STXBP5L: variants seen among roughly 807,000 people sequenced by gnomAD.
STXBP5L encodes syntaxin-binding protein 5-like.
A neutral mutation model predicts 144.5 loss-of-function variants in STXBP5L; 65 were observed. The ratio of observed to expected loss-of-function variants is 0.45; its 90% CI spans 0.37 to 0.55. STXBP5L has a LOEUF of 0.55. Ranked by LOEUF, STXBP5L falls within the 20% of genes least tolerant of loss-of-function variation. STXBP5L has a pLI of 0.00. For synonymous variants in STXBP5L, 505 were observed against 469.6 expected (o/e 1.08, Z -0.97); for missense variants, 1,298 against 1,405.5 (o/e 0.92, Z 1.22).
intron 3 of STXBP5L, among the ~76,000 whole-genome samples, chr3:121,016,133 C>T (rs1945132213): frequency 6.6e-6 from 1 of 152,146 alleles, no homozygotes; most frequent in African/African-American, 2.4e-5. Context: ...AACGTAAATA[C>T]TCTAAAGGTC....
chr3:121,052,364 G>T (rs943162657), intron 5 of STXBP5L, among the ~76,000 whole-genome samples: 1 of 152,124 alleles, frequency 6.6e-6, no homozygotes, highest in Admixed American at 6.5e-5. Flanking sequence ...CTGGCAAACA[G>T]AATCCAGCAG....
intron 25 of STXBP5L, among the ~76,000 whole-genome samples, 192 bp from the exon 26 acceptor site, chr3:121,418,145 T>C (rs1187750601): frequency 6.6e-6 from 1 of 152,214 alleles, no homozygotes; most frequent in Non-Finnish European, 1.5e-5. Flanking sequence ...ACAATATATC[T>C]CACAGTCTCT....
intron 20 of STXBP5L, among the ~76,000 whole-genome samples, chr3:121,346,421 T>G (rs1346279253): frequency 6.6e-6 from 1 of 152,136 alleles, no homozygotes; most frequent in Non-Finnish European, 1.5e-5. Context: ...TACATGTGCA[T>G]GTGTCTTTAT....
At chr3:121,313,852 C>T (rs1328370121) in intron 19 of STXBP5L, among the ~76,000 whole-genome samples, 1 of 141,526 alleles carries the variant, frequency 7.1e-6, no homozygotes, top group Non-Finnish European at 1.6e-5. Flanking sequence ...GGGCGGTTGC[C>T]AGGCAGAGGG....
chr3:121,422,193 A>G lies in STXBP5L; in HGVS notation c.*3096A>G, dbSNP rs1280679467. 1 of 152,180 alleles carries G rather than the reference A, an allele frequency of 6.6e-6. No individual in the cohort carries two copies. 9.4% of individuals were successfully genotyped at this position (152,180 alleles called of 1,614,324 possible). On this transcript the variant is annotated 3_prime_UTR_variant, in exon 27 of 27. Transcript: ENST00000471454. ...ACTGTTGATCCATGTAATCCTTTGC[A>G]TAGTCTCATCTTTACTATCTTTCTT...
In STXBP5L at chr3:121,107,316, C is replaced by G. The variant is rs181959351; in HGVS notation, c.471-7609C>G. On this transcript the variant is annotated intron_variant, in intron 5 of 26. Coordinates refer to ENST00000471454, the MANE Select transcript of STXBP5L (RefSeq NM_001308330.2). ...GTGCCTATGTCCTGAATGGTATTGC[C>G]TAGATTTTCTTCCAGAGTTTTTATA... Among the ~76,000 whole-genome samples the G allele has an allele frequency of 1.1e-4, 16 of 152,196 alleles. No individual in the cohort carries two copies. In the East Asian group the frequency reaches 3.1e-3, roughly 29 times the overall value.
At chr3:120,961,862 A>G (rs1046293488) in intron 3 of STXBP5L, among the ~76,000 whole-genome samples, 1 of 152,218 alleles carries the variant, frequency 6.6e-6, no homozygotes, top group South Asian at 2.1e-4. Flanking sequence ...GTCTTCCACA[A>G]TAGTTGAACT....
chr3:121,248,921 T>G (rs1470139376), intron 14 of STXBP5L, among the ~76,000 whole-genome samples: 1 of 146,492 alleles, frequency 6.8e-6, no homozygotes, highest in Non-Finnish European at 1.5e-5. Context: ...CCCCATTGTT[T>G]GTTTTTGTCA....
chr3:121,003,900 C>T (rs1173426129), intron 3 of STXBP5L, among the ~76,000 whole-genome samples: 3 of 152,018 alleles, frequency 2.0e-5, no homozygotes, highest in Non-Finnish European at 2.9e-5. Flanking sequence ...CTGTTCTGTT[C>T]CATTGGTCTA....
At chr3:121,001,921 TG>T (rs1943812501) in intron 3 of STXBP5L, among the ~76,000 whole-genome samples, 1 of 152,218 alleles carries the variant, frequency 6.6e-6, no homozygotes, top group African/African-American at 2.4e-5. Flanking sequence ...AATATTCTAT[TG>T]TATGCATTCA....
chr3:121,198,367 T>C (rs968980792), intron 9 of STXBP5L, among the ~76,000 whole-genome samples: 2 of 152,234 alleles, frequency 1.3e-5, no homozygotes, highest in Admixed American at 6.5e-5. Context: ...AAGTTCCTTG[T>C]AGATTCTGGA....
intron 20 of STXBP5L, among the ~76,000 whole-genome samples, chr3:121,352,679 C>G (rs1043473561): frequency 3.3e-5 from 5 of 152,072 alleles, no homozygotes; most frequent in Non-Finnish European, 5.9e-5. Flanking sequence ...TTATTTCTTT[C>G]TCTTGCCTGA....
chr3:120,979,010 G>T (rs1480412358), intron 3 of STXBP5L, among the ~76,000 whole-genome samples: 2 of 152,198 alleles, frequency 1.3e-5, no homozygotes, highest in African/African-American at 4.8e-5. Context: ...GGACCCACTT[G>T]AGGAGGCAGT....
intron 5 of STXBP5L, among the ~76,000 whole-genome samples, chr3:121,066,525 A>C (rs1449914044): frequency 6.6e-6 from 1 of 152,000 alleles, no homozygotes; most frequent in African/African-American, 2.4e-5. Flanking sequence ...GTTGATCTTT[A>C]AATGTTAGAT....
intron 19 of STXBP5L, among the ~76,000 whole-genome samples, chr3:121,286,619 G>A (rs1157100764): frequency 2.0e-5 from 3 of 152,094 alleles, no homozygotes; most frequent in Admixed American, 6.5e-5. Context: ...TGAAAGTGTT[G>A]TCAGGGAATG....
intron 10 of STXBP5L, among the ~76,000 whole-genome samples, chr3:121,219,550 C>A (rs773928884): frequency 6.6e-6 from 1 of 152,118 alleles, no homozygotes; most frequent in Non-Finnish European, 1.5e-5. Flanking sequence ...AATTTGCTTA[C>A]TGACACTCCA....
At chr3:121,342,365 A>G (rs1390311711) in intron 20 of STXBP5L, among the ~76,000 whole-genome samples, 1 of 152,062 alleles carries the variant, frequency 6.6e-6, no homozygotes, top group African/African-American at 2.4e-5. Flanking sequence ...TTATTATTAT[A>G]CTTTAAGTTT....
At chr3:121,206,960 T>C (rs1214518261) in intron 10 of STXBP5L, among the ~76,000 whole-genome samples, 2 of 152,240 alleles carry the variant, frequency 1.3e-5, no homozygotes, top group African/African-American at 4.8e-5. Flanking sequence ...TAAATAATCC[T>C]AGTTTATATT....
chr3:121,195,670 G>C (rs754640591), intron 9 of STXBP5L, among the ~76,000 whole-genome samples: 1 of 152,162 alleles, frequency 6.6e-6, no homozygotes, highest in Non-Finnish European at 1.5e-5. Context: ...TTCTGCTTTA[G>C]TAAACTAATA....
Sources: allele counts gnomAD v4.1 joint callset (sites outside exome capture counted in the v4.1 genomes callset), GRCh38; gene constraint gnomAD v4.1.1; transcripts MANE v1.5; gene names NCBI Gene and HGNC (gene_info 2026-07-23, HGNC 2026-07-21).